Variants in MRPS21 observed in about 807,000 individuals in gnomAD.
MRPS21 encodes small ribosomal subunit protein bS21m.
Under a neutral mutation model 9.9 loss-of-function variants are expected in MRPS21, and 8 were observed. The ratio of observed to expected loss-of-function variants is 0.81; its 90% CI spans 0.47 to 1.45. The LOEUF is 1.45. MRPS21 is among the 40% of genes most tolerant of loss of function. MRPS21 has a pLI of 0.00. For synonymous variants in MRPS21, 40 were observed against 40.3 expected (o/e 0.99, Z 0.03); for missense variants, 101 against 118.9 (o/e 0.85, Z 0.70).
intron 2 of MRPS21, among the ~76,000 whole-genome samples, chr1:150,307,348 C>CTTTTTTTTTT (rs1572154026): frequency 6.9e-5 from 6 of 87,516 alleles, no homozygotes; most frequent in Admixed American, 1.4e-4. Context: ...GTGCCCAGTC[C>CTTTTTTTTTT]TTTTTTTTTT....
At chr1:150,303,992 T>C in intron 2 of MRPS21, 1 of 449,414 alleles carries the variant, frequency 2.2e-6, no homozygotes, top group Middle Eastern at 3.3e-4. Context: ...AGGGGTTCAA[T>C]GTAATACTGT....
intron 2 of MRPS21, among the ~76,000 whole-genome samples, chr1:150,295,792 G>GA (rs1484994743): frequency 1 from 151,677 of 151,698 alleles, 75,828 homozygotes; most frequent in Middle Eastern, 1. Context: ...AGAAGAAAGG[G>GA]AAAAAAAGAA....
intron 2 of MRPS21, among the ~76,000 whole-genome samples, chr1:150,297,181 C>T (rs1374889952): frequency 6.6e-6 from 1 of 151,912 alleles, no homozygotes; most frequent in Admixed American, 6.6e-5. Flanking sequence ...GTCCCAGCTA[C>T]TGAGGAGGCT....
chr1:150,304,743 G>A (rs587763910), intron 2 of MRPS21: 123 of 145,178 alleles, frequency 8.5e-4, no homozygotes, highest in African/African-American at 4.0e-3. Context: ...GCAACAGAGC[G>A]AGACTCTGTC....
chr1:150,295,893 T>G (rs1653898583), intron 2 of MRPS21, among the ~76,000 whole-genome samples: 2 of 151,616 alleles, frequency 1.3e-5, no homozygotes, highest in Non-Finnish European at 2.9e-5. Flanking sequence ...AGGAGCTTTA[T>G]AGCTTCATTG....
At chr1:150,301,544 C>T (rs987774266) in intron 2 of MRPS21, among the ~76,000 whole-genome samples, 1 of 152,102 alleles carries the variant, frequency 6.6e-6, no homozygotes, top group Admixed American at 6.6e-5. Flanking sequence ...CTCAGAGTCC[C>T]ATAAATTGTA....
At chr1:150,295,316 CAG>C (rs1327205090) in intron 2 of MRPS21, among the ~76,000 whole-genome samples, 10 of 152,092 alleles carry the variant, frequency 6.6e-5, no homozygotes, top group Admixed American at 5.2e-4. Context: ...AAAATTGAGA[CAG>C]GGTCTTGCTG....
At position 150,307,196 on chromosome 1, in the gene MRPS21, C is replaced by T. The variant is rs587767928; in HGVS notation, c.84-852C>T. ...GTAGCTGGGAGGGACTATAGGCGCCCGCCATCATGCCCAGCTAATTTTTGT... is the reference window on the plus strand; with the variant it reads ...GTAGCTGGGAGGGACTATAGGCGCCTGCCATCATGCCCAGCTAATTTTTGT... On this transcript the variant is annotated intron_variant, in intron 2 of 2. Coordinates refer to ENST00000614145, the MANE Select transcript of MRPS21 (RefSeq NM_031901.6). Among the ~76,000 whole-genome samples the T allele has an allele frequency of 2.8e-3, 424 of 151,348 alleles. 2 individuals are homozygous for T. Among genetic ancestry groups the T allele is most frequent in the Middle Eastern group, 0.02 (6 of 294 alleles).
At chr1:150,301,789 CG>C (rs1560064813) in intron 2 of MRPS21, among the ~76,000 whole-genome samples, 1 of 151,798 alleles carries the variant, frequency 6.6e-6, no homozygotes, top group Non-Finnish European at 1.5e-5. Context: ...GTAGTAGAGA[CG>C]GGGTTTCACG....
In MRPS21 at chr1:150,307,961, T is replaced by C. The variant is rs1344892151; in HGVS notation, c.84-87T>C. The C allele has an allele frequency of 4.8e-5, 60 of 1,252,296 alleles. 1 individual carries two copies. The East Asian group carries it at 1.4e-3, about 29-fold the overall frequency. 77.6% of individuals were successfully genotyped at this position (1,252,296 alleles called of 1,614,324 possible). A position where few individuals can be genotyped will look rare whatever the true frequency, so the allele number is the denominator to read the frequency against. On this transcript the variant is annotated intron_variant, in intron 2 of 2. Transcript: ENST00000614145. ...CACTGTATTTTTTATAAATACCAAT[T>C]GTTTGGTCAATCGACTTCTATTTAT...
chr1:150,304,566 C>T (rs1417644308), intron 2 of MRPS21: 1 of 169,270 alleles, frequency 5.9e-6, no homozygotes, highest in South Asian at 1.1e-4. Context: ...ACCAGCCTGA[C>T]CAATATGGTG....
chr1:150,301,952 G>A (rs901435957), intron 2 of MRPS21, among the ~76,000 whole-genome samples: 2 of 152,178 alleles, frequency 1.3e-5, no homozygotes, highest in African/African-American at 4.8e-5. Flanking sequence ...TGAGCAGACT[G>A]ATTTTGGAGT....
At chr1:150,306,212 G>T (rs79338454) in intron 2 of MRPS21, among the ~76,000 whole-genome samples, 2,126 of 152,312 alleles carry the variant, frequency 0.014, 54 homozygotes, top group African/African-American at 0.049. Flanking sequence ...CAGATGAGTT[G>T]TTCTTTAGGA....
At chr1:150,297,689 C>T (rs1653966731) in intron 2 of MRPS21, among the ~76,000 whole-genome samples, 2 of 151,622 alleles carry the variant, frequency 1.3e-5, no homozygotes, top group Admixed American at 1.3e-4. Context: ...GGTCTGGGGT[C>T]AGCCACATCA....
chr1:150,303,721 G>A (rs1560065606), intron 2 of MRPS21, among the ~76,000 whole-genome samples: 1 of 152,162 alleles, frequency 6.6e-6, no homozygotes, highest in Non-Finnish European at 1.5e-5. Context: ...AGTGTAGTTA[G>A]GATGATGGAT....
At chr1:150,297,319 A>G (rs1471031128) in intron 2 of MRPS21, among the ~76,000 whole-genome samples, 1 of 149,596 alleles carries the variant, frequency 6.7e-6, no homozygotes, top group Non-Finnish European at 1.5e-5. Context: ...ATGCTGTCAG[A>G]AGCTGTGTAA....
In MRPS21 at chr1:150,308,184, T is replaced by G; in HGVS notation, c.220T>G (p.Phe74Val). 4 of 1,605,290 alleles carry G rather than the reference T, an allele frequency of 2.5e-6. No individual in the cohort carries two copies. Among genetic ancestry groups the G allele is most frequent in the Middle Eastern group, 1.7e-4 (1 of 6,030 alleles). The change falls in exon 3 of 3, where the codon TTC becomes GTC. Residue 74 changes from phenylalanine to valine, a missense_variant. Physicochemically the swap from Phe to Val is conservative, Grantham distance 50 (BLOSUM62 -1). Coordinates refer to ENST00000614145, the MANE Select transcript of MRPS21 (RefSeq NM_031901.6). Reference protein sequence around the residue: ...YNMEMARKINFLMRKNRADPW... With the variant: ...YNMEMARKINVLMRKNRADPW... ...CATGGAAATGGCTCGCAAGATCAAC[T>G]TCTTGATGCGAAAGAATCGGGCAGA...
intron 2 of MRPS21, among the ~76,000 whole-genome samples, chr1:150,303,440 G>A (rs1219493597): frequency 6.6e-6 from 1 of 152,152 alleles, no homozygotes; most frequent in African/African-American, 2.4e-5. Context: ...TTATCCAAGT[G>A]TCCCTTATCG....
Position 150,308,302 on chromosome 1 carries a change from A to G in MRPS21, c.*74A>G. On this transcript the variant is annotated 3_prime_UTR_variant, in exon 3 of 3. Coordinates refer to ENST00000614145, the MANE Select transcript of MRPS21 (RefSeq NM_031901.6). ...CCATCTCTTTTCTTTGTACAATCCC[A>G]TTTCCTATTACCATTCTCTGCAATA... The G allele has an allele frequency of 7.0e-7, 1 of 1,429,644 alleles. No individual in the cohort carries two copies. Among genetic ancestry groups the G allele is most frequent in the Non-Finnish European group, 9.5e-7 (1 of 1,052,566 alleles). The allele number at this position is 1,429,644 out of a possible 1,614,324, so 88.6% of individuals were successfully genotyped here.
Sources: gnomAD v4.1 joint callset for allele counts (sites outside exome capture counted in the v4.1 genomes callset) on GRCh38, gnomAD v4.1.1 for gene constraint, MANE v1.5 for transcripts, NCBI Gene and HGNC (gene_info 2026-07-23, HGNC 2026-07-21) for gene names.